CHODL: variants seen among roughly 807,000 people sequenced by gnomAD.
CHODL encodes the protein transmembrane protein MT75.
Under a neutral mutation model 34.5 loss-of-function variants are expected in CHODL, and 29 were observed. The observed-to-expected ratio is 0.84, with a 90% CI of 0.63 to 1.15. The LOEUF is 1.15. Among genes scored for constraint, CHODL ranks in the 50% most tolerant of loss-of-function variants. The probability of loss-of-function intolerance (pLI) is 0.00; values close to 1 mark genes in which losing one functional copy is unlikely to be tolerated. For missense variants in CHODL, 332 were observed against 332.5 expected, an observed-to-expected ratio of 1.00 and a Z score of 0.01; for synonymous variants, 125 against 116.1, an observed-to-expected ratio of 1.08 and a Z score of -0.49.
At chr21:17,929,369 A>AT (rs1483442353) in intron 1 of CHODL, among the ~76,000 whole-genome samples, 14 of 152,252 alleles carry the variant, frequency 9.2e-5, no homozygotes, top group Admixed American at 8.5e-4. Context: ...TAAAAGTAAA[A>AT]TAAGGGCTTC....
At chr21:18,139,928 G>A (rs1282070855) in intron 2 of CHODL, among the ~76,000 whole-genome samples, 1 of 152,148 alleles carries the variant, frequency 6.6e-6, no homozygotes, top group Non-Finnish European at 1.5e-5. Flanking sequence ...AGAGAACTGA[G>A]GAAATATCAC....
rs1232303897 is a variant in CHODL at position 18,256,615 on chromosome 21, G to A, written c.186G>A (p.Glu62=). Residue 62 remains glutamate, a synonymous_variant, in exon 2 of 6, where the codon GAG becomes GAA. Coordinates refer to ENST00000299295, the MANE Select transcript of CHODL (RefSeq NM_024944.3). ...TTCAGGAGGCACGCCTGGCTTGTGA[G>A]AGTGAGGGAGGAGTCCTCCTCAGCC... ...VSFQEARLAC[E]SEGGVLLSLE... is the part of the protein sequence containing the mutation. 1.9e-6 allele frequency: 3 copies of A among 1,613,932 alleles called. No individual in the cohort carries two copies.
At chr21:18,053,090 A>G (rs749654538) in intron 2 of CHODL, among the ~76,000 whole-genome samples, 3 of 151,914 alleles carry the variant, frequency 2.0e-5, no homozygotes, top group Non-Finnish European at 4.4e-5. Context: ...TGGATTGTCT[A>G]TGTGACATAG....
chr21:17,982,214 C>T (rs544404750), intron 1 of CHODL, among the ~76,000 whole-genome samples: 7 of 152,202 alleles, frequency 4.6e-5, no homozygotes, highest in Non-Finnish European at 8.8e-5. Flanking sequence ...TCTTTGTCAG[C>T]TACATCCTTC....
chr21:18,216,670 AAG>A (rs764944114), intron 2 of CHODL, among the ~76,000 whole-genome samples: 17 of 152,198 alleles, frequency 1.1e-4, no homozygotes, highest in Non-Finnish European at 2.4e-4. Context: ...TTATAAAGGA[AAG>A]AGGTTTAATT....
intron 2 of CHODL, among the ~76,000 whole-genome samples, chr21:18,057,915 G>C (rs1273042209): frequency 6.6e-6 from 1 of 152,028 alleles, no homozygotes; most frequent in Non-Finnish European, 1.5e-5. Context: ...AGTTAGCAAT[G>C]ATTAAATCAG....
At chr21:18,176,218 A>G (rs1350413706) in intron 2 of CHODL, among the ~76,000 whole-genome samples, 2 of 152,210 alleles carry the variant, frequency 1.3e-5, no homozygotes, top group African/African-American at 4.8e-5. Context: ...TTGGCAAAGA[A>G]ATATGTGAAA....
At chr21:17,963,032 C>T (rs1332389897) in intron 1 of CHODL, among the ~76,000 whole-genome samples, 1 of 149,796 alleles carries the variant, frequency 6.7e-6, no homozygotes, top group Non-Finnish European at 1.5e-5. Flanking sequence ...CCACTGCACT[C>T]CAGCCTGAGT....
intron 1 of CHODL, among the ~76,000 whole-genome samples, chr21:17,966,891 CTTT>C (rs71830028): frequency 6.9e-6 from 1 of 144,688 alleles, no homozygotes; most frequent in Admixed American, 6.9e-5. Context: ...TTTTCCTGAG[CTTT>C]TTTTTTTTTT....
chr21:18,230,615 G>A (rs1030687839), intron 2 of CHODL, among the ~76,000 whole-genome samples: 12 of 152,120 alleles, frequency 7.9e-5, no homozygotes, highest in Admixed American at 5.2e-4. Flanking sequence ...AAGGAAATAC[G>A]AATGCAAAGA....
At chr21:17,973,009 TTTGACAAAC>T (rs1277507160) in intron 1 of CHODL, among the ~76,000 whole-genome samples, 1 of 151,930 alleles carries the variant, frequency 6.6e-6, no homozygotes, top group Non-Finnish European at 1.5e-5. Flanking sequence ...CCATCTGATC[TTTGACAAAC>T]CTGACAAAAA....
intron 2 of CHODL, among the ~76,000 whole-genome samples, chr21:18,141,949 A>G (rs2072809066): frequency 6.6e-6 from 1 of 152,128 alleles, no homozygotes; most frequent in Non-Finnish European, 1.5e-5. Context: ...TAAAACTTGA[A>G]TTCCTGTCCA....
intron 1 of CHODL, among the ~76,000 whole-genome samples, chr21:17,982,327 A>G (rs2063720253): frequency 6.6e-6 from 1 of 152,184 alleles, no homozygotes; most frequent in Non-Finnish European, 1.5e-5. Context: ...TGGGTCCTGC[A>G]GGTGTTTACA....
At position 17,920,704 on chromosome 21, in the gene CHODL, A is replaced by G. The variant is rs1027953483; in HGVS notation, c.-145+3304A>G. 2.6e-5 allele frequency among the ~76,000 whole-genome samples: 4 copies of G among 152,320 alleles called. No homozygotes were observed. The South Asian group carries it at 8.3e-4, about 32-fold the overall frequency. Reference sequence around the variant, plus strand: ...TCAATAAATGGTAGCTATTATTATTAACATTGTATGAGGATTAGCTGCAGT... The same window carrying G: ...TCAATAAATGGTAGCTATTATTATTGACATTGTATGAGGATTAGCTGCAGT... On this transcript the variant is annotated intron_variant, in intron 1 of 6. Coordinates refer to the CHODL transcript ENST00000400127.
intron 1 of CHODL, among the ~76,000 whole-genome samples, chr21:17,969,872 TG>T (rs1456492223): frequency 6.6e-6 from 1 of 152,194 alleles, no homozygotes; most frequent in Non-Finnish European, 1.5e-5. Flanking sequence ...CTCTTCTCTT[TG>T]GGCCTCAGAT....
chr21:17,971,766 C>T (rs890795907), intron 1 of CHODL, among the ~76,000 whole-genome samples: 2 of 152,016 alleles, frequency 1.3e-5, no homozygotes, highest in Non-Finnish European at 2.9e-5. Context: ...TGGTTCCAAA[C>T]AATAGAAAAA....
intron 2 of CHODL, among the ~76,000 whole-genome samples, chr21:18,209,566 C>T (rs988398426): frequency 6.6e-6 from 1 of 152,112 alleles, no homozygotes; most frequent in African/African-American, 2.4e-5. Context: ...TTCCTTTACT[C>T]TTTCCACTCC....
intron 2 of CHODL, among the ~76,000 whole-genome samples, chr21:18,227,076 A>G (rs1479627751): frequency 6.6e-6 from 1 of 152,130 alleles, no homozygotes; most frequent in Non-Finnish European, 1.5e-5. Flanking sequence ...ATTCTCACAG[A>G]TGGCACCTTC....
At chr21:17,942,268 T>C (rs1234039302) in intron 1 of CHODL, among the ~76,000 whole-genome samples, 2 of 152,200 alleles carry the variant, frequency 1.3e-5, no homozygotes, top group African/African-American at 4.8e-5. Flanking sequence ...TCTTGAATTG[T>C]AACTCCCACA....
Sources: gnomAD v4.1 joint callset for allele counts (sites outside exome capture counted in the v4.1 genomes callset) on GRCh38, gnomAD v4.1.1 for gene constraint, MANE v1.5 for transcripts, NCBI Gene and HGNC (gene_info 2026-07-23, HGNC 2026-07-21) for gene names.